The following SH3RF1 variants were observed in gnomAD, a reference collection of about 807,000 sequenced individuals.
SH3RF1 encodes the protein SH3 domain containing ring finger 1.
SH3RF1 carries 32 observed loss-of-function variants against 74.0 expected under a neutral mutation model. The ratio of observed to expected loss-of-function variants is 0.43; its 90% CI spans 0.33 to 0.58. The LOEUF is 0.58. Among genes scored for constraint, SH3RF1 ranks in the 20% least tolerant of loss-of-function variants. The pLI is 0.05. For missense variants in SH3RF1, 954 were observed against 1,130.9 expected (o/e 0.84, Z 2.24); for synonymous variants, 396 against 439.6 (o/e 0.90, Z 1.24).
At chr4:169,121,900 C>A (rs1415370634) in intron 7 of SH3RF1, among the ~76,000 whole-genome samples, 200 bp downstream of exon 7, 2 of 152,190 alleles carry the variant, frequency 1.3e-5, no homozygotes, top group African/African-American at 4.8e-5. Context: ...AATATTCTGG[C>A]AAGCTCATGT....
chr4:169,126,063 T>C (rs1162723768), intron 6 of SH3RF1, among the ~76,000 whole-genome samples: 2 of 152,236 alleles, frequency 1.3e-5, no homozygotes, highest in Non-Finnish European at 1.5e-5. Context: ...AGAAATAGTT[T>C]ATGTAAATTG....
At chr4:169,122,028 T>C in intron 7 of SH3RF1, 72 bp downstream of exon 7, 1 of 1,570,960 alleles carries the variant, frequency 6.4e-7, no homozygotes, top group South Asian at 1.2e-5. Flanking sequence ...CAGAAAGGTG[T>C]TTCTTGACCT....
chr4:169,108,928 T>C (rs1364911348), intron 10 of SH3RF1, among the ~76,000 whole-genome samples: 2 of 152,154 alleles, frequency 1.3e-5, no homozygotes, highest in African/African-American at 4.8e-5. Flanking sequence ...GTGCCAGGCC[T>C]AAGGAAATAA....
intron 2 of SH3RF1, among the ~76,000 whole-genome samples, chr4:169,221,745 AC>A (rs1730567226): frequency 6.6e-6 from 1 of 152,190 alleles, no homozygotes; most frequent in South Asian, 2.1e-4. Context: ...TTCATCTTTT[AC>A]CCCATAAAAT....
rs1207645761 is a variant in SH3RF1 at position 169,168,304 on chromosome 4, G to A, written c.394-11625C>T. Among the ~76,000 whole-genome samples the A allele has an allele frequency of 3.3e-5, 5 of 152,142 alleles. No individual in the cohort carries two copies. In the East Asian group the frequency reaches 7.7e-4, roughly 23 times the overall value. ...AGGAAATTACAGAACAGAAATGATT[G>A]TACATAATGTACTGTCACTCCTAGA... On this transcript the variant is annotated intron_variant, in intron 2 of 11. Coordinates refer to ENST00000284637, the MANE Select transcript of SH3RF1 (RefSeq NM_020870.4).
At chr4:169,163,658 T>C (rs150218614) in intron 2 of SH3RF1, among the ~76,000 whole-genome samples, 29 of 152,276 alleles carry the variant, frequency 1.9e-4, no homozygotes, top group Admixed American at 8.5e-4. Context: ...ATGGTCTAAA[T>C]CATGAGTTTT....
chr4:169,231,480 C>T (rs1730737399), intron 2 of SH3RF1, among the ~76,000 whole-genome samples: 1 of 152,070 alleles, frequency 6.6e-6, no homozygotes, highest in South Asian at 2.1e-4. Flanking sequence ...GCTGGAGAAT[C>T]GCTTGAATCC....
chr4:169,167,234 C>T (rs1026468911), intron 2 of SH3RF1: 1 of 152,616 alleles, frequency 6.6e-6, no homozygotes, highest in African/African-American at 2.4e-5. Context: ...GCACTCAACA[C>T]CATCAGGCAA....
intron 2 of SH3RF1, among the ~76,000 whole-genome samples, chr4:169,175,824 C>T (rs997088182): frequency 6.6e-6 from 1 of 152,164 alleles, no homozygotes; most frequent in African/African-American, 2.4e-5. Context: ...TCTTCCCTCT[C>T]CCCCCATCCC....
chr4:169,217,160 T>G lies in SH3RF1; in HGVS notation c.393+51660A>C, dbSNP rs1189585542. ...CTGGGTGACAAAGTGAGACCCTGTC[T>G]CAAAAAAAAAAAAAAAAAAGTGAGT... is the stretch of plus-strand genomic sequence containing the variant. On this transcript the variant is annotated intron_variant, in intron 2 of 11. Transcript: ENST00000284637. 3 of 131,654 alleles carry G rather than the reference T, an allele frequency of 2.3e-5. No homozygotes were observed. In the Admixed American group the frequency reaches 2.6e-4, roughly 11 times the overall value. The allele number at this position is 131,654 out of a possible 1,614,324, so 8.2% of individuals were successfully genotyped here. A position where few individuals can be genotyped will look rare whatever the true frequency, so the allele number is the denominator to read the frequency against.
At chr4:169,140,220 G>A (rs528962823) in intron 4 of SH3RF1, among the ~76,000 whole-genome samples, 1 of 152,300 alleles carries the variant, frequency 6.6e-6, no homozygotes, top group South Asian at 2.1e-4. Context: ...TGTAAGTATA[G>A]CAACCTTTGG....
In SH3RF1 at chr4:169,095,832, G is replaced by T. The variant is rs1732920325; in HGVS notation, c.*687C>A. On this transcript the variant is annotated 3_prime_UTR_variant, in exon 12 of 12. Coordinates refer to ENST00000284637, the MANE Select transcript of SH3RF1 (RefSeq NM_020870.4). ...ACCCACACAATTAAATTGAGGACTA[G>T]GTCTTCAGGGTGATTCCTACCAAAC... is the stretch of plus-strand genomic sequence containing the variant. 1 of 152,154 alleles carries T rather than the reference G, an allele frequency of 6.6e-6. No homozygotes were observed. Among genetic ancestry groups the T allele is most frequent in the Non-Finnish European group, 1.5e-5 (1 of 68,034 alleles). The allele number at this position is 152,154 out of a possible 1,614,324, so 9.4% of individuals were successfully genotyped here.
In SH3RF1 at chr4:169,122,197, C is replaced by G. The variant is rs764063936; in HGVS notation, c.1249G>C (p.Ala417Pro). 1 of 1,613,308 alleles carries G rather than the reference C, an allele frequency of 6.2e-7. No homozygotes were observed. The highest frequency in any genetic ancestry group is 8.5e-7 in the Non-Finnish European group (1 of 1,179,862). ...ATVLASTPPGATAAAAAAGMG... is the reference protein window; with the variant it reads ...ATVLASTPPGPTAAAAAAGMG... ...CCAGCAGCAGCAGCAGCGGCGGTGG[C>G]GCCTGGTGGTGTGGAGGCAAGGACA... The change falls in exon 7 of 12, where the codon GCC (alanine) becomes CCC (proline). Residue 417 changes from alanine (A) to proline (P), a missense_variant. Physicochemically the swap from Ala to Pro is conservative, Grantham distance 27. This residue lies in a region of SH3RF1 where 854 missense variants were observed against 962.5 expected (regional missense o/e 0.89). Transcript: ENST00000284637.
intron 4 of SH3RF1, among the ~76,000 whole-genome samples, chr4:169,146,034 CTA>C (rs1350404755): frequency 7.7e-6 from 1 of 129,852 alleles, no homozygotes; most frequent in Admixed American, 7.9e-5. Context: ...ATTACATATT[CTA>C]TATATTCTAT....
In SH3RF1 at chr4:169,124,824, C is replaced by T. The variant is rs767368058; in HGVS notation, c.1180-2558G>A. On this transcript the variant is annotated intron_variant, in intron 6 of 11. Coordinates refer to ENST00000284637, the MANE Select transcript of SH3RF1 (RefSeq NM_020870.4). ...TGATGTGGAAGTTCAAAAGGTAATCCACTGTGTATTGTGCTTCAGGCAGTT... is the reference window on the plus strand; with the variant it reads ...TGATGTGGAAGTTCAAAAGGTAATCTACTGTGTATTGTGCTTCAGGCAGTT... Among the ~76,000 whole-genome samples, 128 of 152,158 alleles carry T rather than the reference C, an allele frequency of 8.4e-4. 3 individuals carry two copies. The highest frequency in any genetic ancestry group is 4.0e-4 in the Non-Finnish European group (27 of 68,028).
At position 169,096,416 on chromosome 4, in the gene SH3RF1, T is replaced by A. The variant is rs981795515; in HGVS notation, c.*103A>T. 3.2e-6 allele frequency: 4 copies of A among 1,264,078 alleles called. No homozygotes were observed. The African/African-American group carries it at 5.9e-5, about 19-fold the overall frequency. 78.3% of individuals were successfully genotyped at this position (1,264,078 alleles called of 1,614,324 possible). On this transcript the variant is annotated 3_prime_UTR_variant, in exon 12 of 12. Transcript: ENST00000284637. Reference sequence around the variant, plus strand: ...GAGTCACATACCAATCCTTTGCTCATCTCCTGACCATCTGGAAGTCCACAA... The same window carrying A: ...GAGTCACATACCAATCCTTTGCTCAACTCCTGACCATCTGGAAGTCCACAA...
chr4:169,209,226 T>C (rs1360646493), intron 2 of SH3RF1, among the ~76,000 whole-genome samples: 1 of 151,378 alleles, frequency 6.6e-6, no homozygotes, highest in Non-Finnish European at 1.5e-5. Flanking sequence ...GAGGCGGAGG[T>C]TGCAGTGAGC....
intron 2 of SH3RF1, among the ~76,000 whole-genome samples, chr4:169,212,991 T>C (rs1198007182): frequency 6.6e-6 from 1 of 152,258 alleles, no homozygotes; most frequent in African/African-American, 2.4e-5. Context: ...GTAAAGCTGT[T>C]ATAAATATCC....
At chr4:169,197,715 T>C (rs1033971453) in intron 2 of SH3RF1, among the ~76,000 whole-genome samples, 6 of 151,980 alleles carry the variant, frequency 3.9e-5, no homozygotes, top group African/African-American at 1.4e-4. Flanking sequence ...GTAATAACCC[T>C]TTCATAAGTA....
Sources: allele counts gnomAD v4.1 joint callset (sites outside exome capture counted in the v4.1 genomes callset), GRCh38; gene constraint gnomAD v4.1.1; regional missense constraint gnomAD v4.1.1; transcripts MANE v1.5; gene names NCBI Gene and HGNC (gene_info 2026-07-23, HGNC 2026-07-21).